The following MATCAP2 variants were observed in gnomAD, a reference collection of about 807,000 sequenced individuals.
The protein encoded by MATCAP2 is microtubule associated tyrosine carboxypeptidase 2, also known as putative tyrosine carboxypeptidase MATCAP2.
At chr7:36,327,058 A>T in the MATCAP2 span, 1 of 682,262 alleles carries the variant, frequency 1.5e-6, no homozygotes, top group East Asian at 2.8e-5. Context: ...AACAAAAATC[A>T]GTGACTTACA....
chr7:36,343,671 AAAGG>A, the MATCAP2 span, among the ~76,000 whole-genome samples: 5 of 150,200 alleles, frequency 3.3e-5, no homozygotes, highest in Admixed American at 2.0e-4. Context: ...GAAAGAAAGT[AAAGG>A]AAGGAAGGAA....
the MATCAP2 span, among the ~76,000 whole-genome samples, chr7:36,360,757 A>C: frequency 2.0e-5 from 3 of 152,230 alleles, no homozygotes; most frequent in African/African-American, 7.2e-5. Flanking sequence ...AAGAACACTA[A>C]GAGGCCGATA....
chr7:36,354,942 G>A, the MATCAP2 span, among the ~76,000 whole-genome samples: 1 of 152,128 alleles, frequency 6.6e-6, no homozygotes, highest in African/African-American at 2.4e-5. Context: ...TTGCCTTCCA[G>A]AGAAATCAAA....
the MATCAP2 span, among the ~76,000 whole-genome samples, chr7:36,385,239 T>A: frequency 6.6e-6 from 1 of 152,228 alleles, no homozygotes; most frequent in Non-Finnish European, 1.5e-5. Context: ...ATGCGAATTC[T>A]CTCCAAATTA....
At chr7:36,386,498 G>A in the MATCAP2 span, among the ~76,000 whole-genome samples, 1 of 150,520 alleles carries the variant, frequency 6.6e-6, no homozygotes, top group African/African-American at 2.5e-5. Flanking sequence ...AAACATTTCT[G>A]TACATCTGAA....
the MATCAP2 span, among the ~76,000 whole-genome samples, chr7:36,360,157 G>T: frequency 1.3e-5 from 2 of 152,124 alleles, no homozygotes; most frequent in Non-Finnish European, 2.9e-5. Context: ...TTTTAAAAAT[G>T]AATACTCAAT....
the MATCAP2 span, chr7:36,357,161 T>C: frequency 6.2e-7 from 1 of 1,614,172 alleles, no homozygotes; most frequent in East Asian, 2.2e-5. Flanking sequence ...GACCTTGCTT[T>C]TGGGTTTAGG....
At chr7:36,366,911 C>A in the MATCAP2 span, 1 of 1,452,180 alleles carries the variant, frequency 6.9e-7, no homozygotes, top group South Asian at 1.4e-5. Flanking sequence ...CTTCCCGGCA[C>A]TCACCCGTCA....
At chr7:36,330,939 G>A in the MATCAP2 span, 4 of 1,126,768 alleles carry the variant, frequency 3.5e-6, no homozygotes, top group Non-Finnish European at 5.4e-6. Flanking sequence ...GGGGAATGCT[G>A]ATCTGGGGTG....
the MATCAP2 span, chr7:36,390,044 GGTGA>G: frequency 5.0e-6 from 8 of 1,613,822 alleles, no homozygotes; most frequent in African/African-American, 8.0e-5. Context: ...CGTTTACGGA[GGTGA>G]GTGAGTTTGC....
the MATCAP2 span, chr7:36,356,915 C>T: frequency 1.5e-5 from 24 of 1,613,880 alleles, no homozygotes; most frequent in East Asian, 1.3e-4. Flanking sequence ...CTTAAGAAAT[C>T]GGTCAGATGC....
At chr7:36,348,209 C>T in the MATCAP2 span, among the ~76,000 whole-genome samples, 1 of 152,116 alleles carries the variant, frequency 6.6e-6, no homozygotes, top group African/African-American at 2.4e-5. Flanking sequence ...AAGCAAGATA[C>T]TAAATGAGTT....
At chr7:36,373,678 T>C in the MATCAP2 span, among the ~76,000 whole-genome samples, 1 of 152,126 alleles carries the variant, frequency 6.6e-6, no homozygotes, top group African/African-American at 2.4e-5. Flanking sequence ...ACTCTTGGCC[T>C]CAAGCAGTCC....
chr7:36,358,235 T>C, the MATCAP2 span, among the ~76,000 whole-genome samples: 1 of 151,940 alleles, frequency 6.6e-6, no homozygotes, highest in African/African-American at 2.4e-5. Context: ...AGAAATGATA[T>C]ATTTTAAAAT....
At chr7:36,340,461 T>G in the MATCAP2 span, among the ~76,000 whole-genome samples, 1 of 152,248 alleles carries the variant, frequency 6.6e-6, no homozygotes, top group Non-Finnish European at 1.5e-5. Context: ...TCACCTCCTT[T>G]GTTTCATCTT....
the MATCAP2 span, chr7:36,367,208 G>C: frequency 8.5e-7 from 1 of 1,170,570 alleles, no homozygotes. Flanking sequence ...ACCTGCCACC[G>C]TGACGTAGCC....
At chr7:36,367,166 C>G in the MATCAP2 span, 32 of 1,207,734 alleles carry the variant, frequency 2.6e-5, no homozygotes, top group Non-Finnish European at 3.3e-5. Flanking sequence ...AAGGTACACA[C>G]GGCGGCCTTA....
chr7:36,389,889 AG>A, the MATCAP2 span: 1 of 1,488,664 alleles, frequency 6.7e-7, no homozygotes, highest in Non-Finnish European at 9.3e-7. Flanking sequence ...CCGAGAGGAG[AG>A]GACAGCTGGT....
chr7:36,354,857 AT>A, the MATCAP2 span, among the ~76,000 whole-genome samples: 18 of 152,334 alleles, frequency 1.2e-4, no homozygotes, highest in South Asian at 3.7e-3. Flanking sequence ...CTGGAATTGG[AT>A]CAAAATTAAA....
Sources: allele counts gnomAD v4.1 joint callset (sites outside exome capture counted in the v4.1 genomes callset), GRCh38; gene constraint gnomAD v4.1.1; transcripts MANE v1.5; gene names NCBI Gene and HGNC (gene_info 2026-07-23, HGNC 2026-07-21).